Variants in ZFAND6 observed in about 807,000 individuals in gnomAD.
The protein encoded by ZFAND6 is zinc finger AN1-type containing 6, also known as AN1-type zinc finger protein 6.
Under a neutral mutation model 24.5 loss-of-function variants are expected in ZFAND6, and 12 were observed. The observed-to-expected ratio is 0.49, with a 90% CI of 0.31 to 0.79. The LOEUF (loss-of-function observed/expected upper bound fraction) is 0.79, where lower values mean the gene tolerates loss of function less well. Among genes scored for constraint, ZFAND6 ranks in the 30% least tolerant of loss-of-function variants. The pLI, the probability that ZFAND6 is intolerant of heterozygous loss-of-function variation, is 0.04. For missense variants in ZFAND6, 207 were observed against 245.9 expected (o/e 0.84, Z 1.06); for synonymous variants, 92 against 81.5 (o/e 1.13, Z -0.69).
chr15:80,062,596 G>A (rs1230752009), intron 1 of ZFAND6, among the ~76,000 whole-genome samples: 6 of 152,142 alleles, frequency 3.9e-5, no homozygotes, highest in African/African-American at 1.4e-4. Context: ...TTGTTTGAAG[G>A]CATGGGAGTA....
At chr15:80,095,669 G>C (rs1567070135) in intron 1 of ZFAND6, among the ~76,000 whole-genome samples, 1 of 152,138 alleles carries the variant, frequency 6.6e-6, no homozygotes, top group Non-Finnish European at 1.5e-5. Flanking sequence ...TTGAGCTGTT[G>C]GATTCTTTAG....
At position 80,120,466 on chromosome 15, in the gene ZFAND6, A is replaced by G. The variant is rs1257908400; in HGVS notation, c.122A>G (p.Gln41Arg). 6.3e-7 allele frequency: 1 copy of G among 1,583,052 alleles called. No homozygotes were observed. The highest frequency in any genetic ancestry group is 8.6e-7 in the Non-Finnish European group (1 of 1,161,064). Reference protein sequence around the residue: ...SVCYKEHLQRQNSSNGRISPP... With the variant: ...SVCYKEHLQRRNSSNGRISPP... Reference sequence around the variant, plus strand: ...TGCTATAAAGAACATCTTCAAAGACAGAATAGTAGTAATGGTAGAATAAGC... The same window carrying G: ...TGCTATAAAGAACATCTTCAAAGACGGAATAGTAGTAATGGTAGAATAAGC... The change falls in exon 3 of 7, where the codon CAG (glutamine) becomes CGG (arginine). Residue 41 changes from glutamine (Q) to arginine (R), a missense_variant. Transcript: ENST00000261749.
chr15:80,091,009 T>C (rs1305994024), intron 1 of ZFAND6, among the ~76,000 whole-genome samples: 2 of 152,216 alleles, frequency 1.3e-5, no homozygotes, highest in Non-Finnish European at 2.9e-5. Flanking sequence ...TATTCTATCT[T>C]GTTGAATCAC....
At chr15:80,095,759 CGT>C (rs1417093463) in intron 1 of ZFAND6, among the ~76,000 whole-genome samples, 1 of 152,162 alleles carries the variant, frequency 6.6e-6, no homozygotes, top group Non-Finnish European at 1.5e-5. Context: ...CTCTGTACCA[CGT>C]GAGATGAGCC....
intron 2 of ZFAND6, among the ~76,000 whole-genome samples, chr15:80,099,095 G>C (rs2038891345): frequency 6.6e-6 from 1 of 151,956 alleles, no homozygotes; most frequent in South Asian, 2.1e-4. Context: ...AAGCACCCTT[G>C]TTCCCTAAAT....
chr15:80,103,506 A>C (rs2039145054), intron 2 of ZFAND6, among the ~76,000 whole-genome samples: 1 of 152,212 alleles, frequency 6.6e-6, no homozygotes, highest in African/African-American at 2.4e-5. Flanking sequence ...TATGCTCTGA[A>C]GTGTTCATGG....
intron 6 of ZFAND6, among the ~76,000 whole-genome samples, chr15:80,136,303 A>G (rs2040860805): frequency 6.6e-6 from 1 of 152,080 alleles, no homozygotes; most frequent in South Asian, 2.1e-4. Flanking sequence ...AGTCTCTACT[A>G]AAAATACAAA....
At chr15:80,083,550 G>T (rs916000333) in intron 1 of ZFAND6, among the ~76,000 whole-genome samples, 8 of 152,268 alleles carry the variant, frequency 5.3e-5, no homozygotes, top group Middle Eastern at 3.4e-3. Flanking sequence ...TAACCAGAGT[G>T]AGTGAAAGGG....
At chr15:80,082,756 T>C (rs2037750347) in intron 1 of ZFAND6, among the ~76,000 whole-genome samples, 1 of 152,202 alleles carries the variant, frequency 6.6e-6, no homozygotes, top group South Asian at 2.1e-4. Flanking sequence ...GAGTTTATTA[T>C]GAGGATTGGA....
intron 1 of ZFAND6, among the ~76,000 whole-genome samples, chr15:80,091,980 A>G (rs2038405166): frequency 6.6e-6 from 1 of 152,182 alleles, no homozygotes; most frequent in Non-Finnish European, 1.5e-5. Context: ...GTTAATGTTA[A>G]TAGCTGATAA....
chr15:80,065,536 G>GTTTTTTT (rs1341209807), intron 1 of ZFAND6, among the ~76,000 whole-genome samples: 10 of 84,976 alleles, frequency 1.2e-4, no homozygotes, highest in East Asian at 6.6e-4. Context: ...TTTTGGTTTT[G>GTTTTTTT]ATTTTTTTTT....
intron 6 of ZFAND6, among the ~76,000 whole-genome samples, chr15:80,136,463 C>CAA (rs58915501): frequency 1.5e-5 from 2 of 137,012 alleles, no homozygotes; most frequent in African/African-American, 5.4e-5. Flanking sequence ...GACTCCGTGT[C>CAA]AAAAAAAAAA....
chr15:80,083,676 A>G (rs571902673), intron 1 of ZFAND6, among the ~76,000 whole-genome samples: 17 of 152,292 alleles, frequency 1.1e-4, no homozygotes, highest in African/African-American at 3.4e-4. Context: ...CAGGAAGCCA[A>G]TGTCAGGAGT....
At position 80,120,391 on chromosome 15, in the gene ZFAND6, C is replaced by T. The variant is rs1374095052; in HGVS notation, c.47C>T (p.Thr16Ile). The T allele has an allele frequency of 6.2e-7, 1 of 1,604,954 alleles. No homozygotes were observed. Among genetic ancestry groups the T allele is most frequent in the South Asian group, 1.1e-5 (1 of 90,012 alleles). The change falls in exon 3 of 7, where the codon ACT becomes ATT. Residue 16 changes from threonine to isoleucine, a missense_variant. Thr to Ile is a moderately conservative substitution (Grantham distance 89). Around this residue, in one of 3 missense-constraint regions of ZFAND6, gnomAD observed 29 missense variants for 55.4 expected, o/e 0.52. Transcript: ENST00000261749. ...NHSQVPMLCS[T>I]GCGFYGNPRT... is the part of the protein sequence containing the mutation. ...AGCCAAGTGCCTATGCTTTGTTCCA[C>T]TGGCTGTGGATTTTATGGAAACCCT...
At chr15:80,101,787 A>G (rs943525620) in intron 2 of ZFAND6, among the ~76,000 whole-genome samples, 5 of 149,740 alleles carry the variant, frequency 3.3e-5, no homozygotes, top group African/African-American at 1.2e-4. Context: ...GTTTTATGTA[A>G]AGTGTTTTTT....
At chr15:80,084,110 T>C (rs1401342850) in intron 1 of ZFAND6, among the ~76,000 whole-genome samples, 2 of 152,200 alleles carry the variant, frequency 1.3e-5, no homozygotes, top group African/African-American at 2.4e-5. Context: ...CTCAGTATTA[T>C]AGCACTCTGC....
intron 1 of ZFAND6, among the ~76,000 whole-genome samples, chr15:80,069,558 T>G (rs545330273): frequency 3.9e-4 from 59 of 152,322 alleles, no homozygotes; most frequent in Non-Finnish European, 6.2e-4. Context: ...TCAGGAGAGA[T>G]ACACCAGGAA....
chr15:80,107,941 T>C (rs1386828819), intron 2 of ZFAND6, among the ~76,000 whole-genome samples: 1 of 152,130 alleles, frequency 6.6e-6, no homozygotes, highest in African/African-American at 2.4e-5. Flanking sequence ...AGATACGCTT[T>C]GGGAACTACT....
At chr15:80,098,053 G>T (rs892818387) in intron 1 of ZFAND6, among the ~76,000 whole-genome samples, 5 of 152,110 alleles carry the variant, frequency 3.3e-5, no homozygotes, top group African/African-American at 1.2e-4. Context: ...AGACTCTAAA[G>T]GCATTCCACT....
Sources: allele counts gnomAD v4.1 joint callset (sites outside exome capture counted in the v4.1 genomes callset), GRCh38; gene constraint gnomAD v4.1.1; regional missense constraint gnomAD v4.1.1; transcripts MANE v1.5; gene names NCBI Gene and HGNC (gene_info 2026-07-23, HGNC 2026-07-21).